CTNNA2: variants seen among roughly 807,000 people sequenced by gnomAD.
CTNNA2 encodes catenin alpha 2.
In CTNNA2, 42 loss-of-function variants were observed where a neutral mutation model predicts 101.0. The ratio of observed to expected loss-of-function variants is 0.42; its 90% confidence interval spans 0.32 to 0.54. The LOEUF (loss-of-function observed/expected upper bound fraction) is 0.54, where lower values mean the gene tolerates loss of function less well. Ranked by LOEUF, CTNNA2 falls within the 20% of genes least tolerant of loss-of-function variation. The pLI is 0.14. For synonymous variants in CTNNA2, 450 were observed against 456.4 expected, an observed-to-expected ratio of 0.99 and a Z score of 0.18; for missense variants, 871 against 1,223.1, an observed-to-expected ratio of 0.71 and a Z score of 4.29.
At chr2:79,280,623 C>CTGTGTGTGGGTGTG (rs1675339702) in intron 2 of CTNNA2, among the ~76,000 whole-genome samples, 1 of 129,094 alleles carries the variant, frequency 7.7e-6, no homozygotes, top group African/African-American at 3.1e-5. Context: ...ATCCTGTATG[C>CTGTGTGTGGGTGTG]TGTGTGTGTG....
intron 2 of CTNNA2, among the ~76,000 whole-genome samples, chr2:79,280,984 T>G (rs140915780): frequency 6.6e-6 from 1 of 152,196 alleles, no homozygotes; most frequent in Middle Eastern, 3.4e-3. Flanking sequence ...TGAAGCTATA[T>G]TCAGCATAAC....
chr2:80,555,499 G>A (rs1558581989), intron 11 of CTNNA2, among the ~76,000 whole-genome samples, 194 bp from the exon 12 acceptor site: 1 of 152,208 alleles, frequency 6.6e-6, no homozygotes. Flanking sequence ...GATGCTACCA[G>A]CCCTCTGGCT....
At chr2:79,691,103 G>T (rs940984637) in intron 2 of CTNNA2, among the ~76,000 whole-genome samples, 2 of 151,980 alleles carry the variant, frequency 1.3e-5, no homozygotes, top group African/African-American at 4.8e-5. Context: ...AGCTCCAAAT[G>T]ACTGTTGACT....
In CTNNA2 at chr2:79,187,388, C is replaced by A. The variant is rs114187170; in HGVS notation, c.-524+1957C>A. ...AGGTTCAAGCAATTCAGTGCAGTGG[C>A]GCAATCTCAGCTCAAGTGATTCTCC... On this transcript the variant is annotated intron_variant, in intron 1 of 21. Transcript: ENST00000466387. Among the ~76,000 whole-genome samples, 671 of 150,750 alleles carry A rather than the reference C, an allele frequency of 4.5e-3. 4 individuals carry two copies. The highest frequency in any genetic ancestry group is 0.016 in the African/African-American group (649 of 41,098).
At chr2:80,131,279 G>A (rs371624868) in intron 7 of CTNNA2, among the ~76,000 whole-genome samples, 33 of 152,040 alleles carry the variant, frequency 2.2e-4, no homozygotes, top group Middle Eastern at 6.8e-3. Flanking sequence ...GGCTGGTCTC[G>A]AACTCCTGGC....
At chr2:79,471,913 C>T (rs1035381995) in intron 4 of CTNNA2, among the ~76,000 whole-genome samples, 1 of 152,096 alleles carries the variant, frequency 6.6e-6, no homozygotes, top group Non-Finnish European at 1.5e-5. Flanking sequence ...GACCCTGGCC[C>T]CTTAAAATTC....
intron 2 of CTNNA2, among the ~76,000 whole-genome samples, chr2:79,712,731 G>A (rs990580049): frequency 4.6e-5 from 7 of 152,098 alleles, no homozygotes; most frequent in African/African-American, 1.2e-4. Context: ...TATTAATAAT[G>A]TATATTAAAG....
At chr2:79,597,730 G>A (rs1431892173) in intron 1 of CTNNA2, among the ~76,000 whole-genome samples, 1 of 152,102 alleles carries the variant, frequency 6.6e-6, no homozygotes, top group Non-Finnish European at 1.5e-5. Flanking sequence ...TCCCCAGTGA[G>A]ACCCAGTACT....
intron 3 of CTNNA2, among the ~76,000 whole-genome samples, chr2:79,840,346 CACG>C (rs1452555465): frequency 2.0e-5 from 3 of 152,148 alleles, no homozygotes; most frequent in African/African-American, 7.2e-5. Flanking sequence ...CTTGTGTGGC[CACG>C]ACAACTGTAG....
In CTNNA2 at chr2:79,858,607, A is replaced by G. The variant is rs558293290; in HGVS notation, c.465+428A>G. On this transcript the variant is annotated intron_variant, in intron 4 of 18. Coordinates refer to ENST00000402739, the MANE Select transcript of CTNNA2 (RefSeq NM_001282597.3). Reference sequence around the variant, plus strand: ...CACCTTAGTGTGGATTACATGTTGAATATATTTTGCTATCTACTCTAGCCT... The same window carrying G: ...CACCTTAGTGTGGATTACATGTTGAGTATATTTTGCTATCTACTCTAGCCT... 3.3e-5 allele frequency among the ~76,000 whole-genome samples: 5 copies of G among 152,224 alleles called. No individual in the cohort carries two copies. The East Asian group carries it at 5.8e-4, about 18-fold the overall frequency.
At chr2:80,611,018 G>A (rs1395522185) in intron 17 of CTNNA2, among the ~76,000 whole-genome samples, 2 of 146,826 alleles carry the variant, frequency 1.4e-5, no homozygotes, top group African/African-American at 2.5e-5. Flanking sequence ...TTTTTTTTTT[G>A]TCATTGGCTT....
Position 80,574,209 on chromosome 2 carries a change from G to A in CTNNA2, c.1788G>A (p.Leu596=), listed in dbSNP as rs953835715. 3.1e-6 allele frequency: 5 copies of A among 1,613,580 alleles called. No homozygotes were observed. In the Admixed American group the frequency reaches 6.7e-5, roughly 22 times the overall value. ...AEQVEVAIEA[L]SANVPQPFEE... is the part of the protein sequence containing the mutation. ...AAGTAGAGGTTGCCATTGAAGCCCT[G>A]AGTGCCAACGTTCCTCAACCGTTTG... Residue 596 remains leucine, a synonymous_variant, in exon 13 of 19, where the codon CTG becomes CTA. Coordinates refer to ENST00000402739, the MANE Select transcript of CTNNA2 (RefSeq NM_001282597.3).
intron 1 of CTNNA2, among the ~76,000 whole-genome samples, chr2:79,543,233 A>G (rs1371787819): frequency 6.6e-6 from 1 of 152,168 alleles, no homozygotes; most frequent in Non-Finnish European, 1.5e-5. Flanking sequence ...TTGGTAAAAT[A>G]TTTGTAAAGT....
At chr2:80,284,746 C>G (rs555087000) in intron 7 of CTNNA2, among the ~76,000 whole-genome samples, 1 of 152,102 alleles carries the variant, frequency 6.6e-6, no homozygotes, top group African/African-American at 2.4e-5. Context: ...TTGCCTCATC[C>G]TTTGAGCTTT....
chr2:79,903,887 C>T (rs1685236310), intron 6 of CTNNA2, among the ~76,000 whole-genome samples: 1 of 152,184 alleles, frequency 6.6e-6, no homozygotes. Flanking sequence ...ACACATGAGA[C>T]TGCAGTAGAA....
chr2:79,397,157 A>G (rs1462309837), intron 4 of CTNNA2, among the ~76,000 whole-genome samples: 5 of 152,160 alleles, frequency 3.3e-5, no homozygotes, highest in African/African-American at 1.2e-4. Flanking sequence ...TACAATGTAT[A>G]ATGATTTTGT....
chr2:79,950,705 G>A (rs1189667499), intron 7 of CTNNA2, among the ~76,000 whole-genome samples: 2 of 152,196 alleles, frequency 1.3e-5, no homozygotes, highest in Non-Finnish European at 2.9e-5. Context: ...ATGCAGGAAT[G>A]TAAAATAAAA....
At position 79,258,845 on chromosome 2, in the gene CTNNA2, CAAAA is replaced by C. The variant is rs869066159; in HGVS notation, c.-405-53841_-405-53838del. 2.4e-4 allele frequency among the ~76,000 whole-genome samples: 22 copies of C among 91,374 alleles called. No individual in the cohort carries two copies. In the East Asian group the frequency reaches 3.2e-3, roughly 13 times the overall value. The allele number at this position is 91,374 out of a possible 152,430, so 59.9% of individuals were successfully genotyped here. A position where few individuals can be genotyped will look rare whatever the true frequency, so the allele number is the denominator to read the frequency against. On this transcript the variant is annotated intron_variant, in intron 2 of 21. Transcript: ENST00000466387. Reference sequence around the variant, plus strand: ...ATGAAGCCAAGGCCAAATCCTCTACCAAAAAAAAAAAAAAAAAAAAAAAAAAGGC... The same window carrying C: ...ATGAAGCCAAGGCCAAATCCTCTACCAAAAAAAAAAAAAAAAAAAAAAGGC...
intron 7 of CTNNA2, among the ~76,000 whole-genome samples, chr2:80,314,620 A>T (rs1677923836): frequency 6.6e-6 from 1 of 152,188 alleles, no homozygotes; most frequent in Non-Finnish European, 1.5e-5. Context: ...AAGATCACCA[A>T]CAATGGGGGA....
Sources: allele counts gnomAD v4.1 joint callset (sites outside exome capture counted in the v4.1 genomes callset), GRCh38; gene constraint gnomAD v4.1.1; transcripts MANE v1.5; gene names NCBI Gene and HGNC (gene_info 2026-07-23, HGNC 2026-07-21).